CDH13: variants seen among roughly 807,000 people sequenced by gnomAD.
CDH13 encodes cadherin 13.
A neutral mutation model predicts 63.8 loss-of-function variants in CDH13; 24 were observed. The ratio of observed to expected loss-of-function variants is 0.38; its 90% CI spans 0.27 to 0.53. The LOEUF (loss-of-function observed/expected upper bound fraction) is 0.53, where lower values mean the gene tolerates loss of function less well. CDH13 is among the 20% of genes least tolerant of loss of function. The pLI is 0.85. For missense variants in CDH13, 1,049 were observed against 903.1 expected (o/e 1.16, Z -2.07); for synonymous variants, 503 against 355.3 (o/e 1.42, Z -4.67).
At position 83,628,660 on chromosome 16, in the gene CDH13, T is replaced by C. The variant is rs1304066788; in HGVS notation, c.1101+26066T>C. On this transcript the variant is annotated intron_variant, in intron 8 of 13. Coordinates refer to ENST00000567109, the MANE Select transcript of CDH13 (RefSeq NM_001257.5). Reference sequence around the variant, plus strand: ...CATTTGCAGGCTGGAGTGTGTCCTCTCTATCTAGTCGGTATTTCAATAGGA... The same window carrying C: ...CATTTGCAGGCTGGAGTGTGTCCTCCCTATCTAGTCGGTATTTCAATAGGA... Among the ~76,000 whole-genome samples the C allele has an allele frequency of 2.6e-5, 4 of 152,184 alleles. No homozygotes were observed. The South Asian group carries it at 6.2e-4, about 24-fold the overall frequency.
intron 6 of CDH13, among the ~76,000 whole-genome samples, chr16:83,424,276 A>G (rs547042008): frequency 1.3e-5 from 2 of 152,364 alleles, no homozygotes; most frequent in East Asian, 3.9e-4. Flanking sequence ...GAAGAGGAAA[A>G]TCCAACATGG....
chr16:82,913,603 G>C (rs2041900971), intron 2 of CDH13, among the ~76,000 whole-genome samples: 1 of 152,194 alleles, frequency 6.6e-6, no homozygotes, highest in Admixed American at 6.5e-5. Flanking sequence ...CTATACCACA[G>C]AGGCCAGCAG....
At chr16:83,748,464 T>C (rs577276230) in intron 11 of CDH13, among the ~76,000 whole-genome samples, 50 of 152,216 alleles carry the variant, frequency 3.3e-4, no homozygotes, top group African/African-American at 1.2e-3. Flanking sequence ...GAATAATGTC[T>C]GGTGAGAGGT....
At chr16:82,954,057 A>C (rs915097097) in intron 2 of CDH13, 1 of 152,144 alleles carries the variant, frequency 6.6e-6, no homozygotes, top group East Asian at 1.9e-4. Flanking sequence ...GCCAAGAAGC[A>C]CTGTAGGGAA....
chr16:82,805,233 C>G (rs1007298585), intron 1 of CDH13, among the ~76,000 whole-genome samples: 3 of 152,024 alleles, frequency 2.0e-5, no homozygotes, highest in Non-Finnish European at 2.9e-5. Flanking sequence ...GTCTTGCAAC[C>G]TAAAAGGAAG....
chr16:83,761,205 C>A (rs1729739379), intron 11 of CDH13, among the ~76,000 whole-genome samples: 1 of 152,122 alleles, frequency 6.6e-6, no homozygotes. Flanking sequence ...AAATAAAGAG[C>A]CCTTTGGACC....
At chr16:83,171,249 T>A (rs922319369) in intron 4 of CDH13, among the ~76,000 whole-genome samples, 6 of 151,896 alleles carry the variant, frequency 4.0e-5, no homozygotes, top group African/African-American at 1.4e-4. Context: ...GGCAAGAGAA[T>A]GGGGTGGGGA....
intron 1 of CDH13, among the ~76,000 whole-genome samples, chr16:82,782,774 C>T (rs373473151): frequency 6.6e-6 from 1 of 152,160 alleles, no homozygotes; most frequent in African/African-American, 2.4e-5. Flanking sequence ...CTGCCTTACT[C>T]CCGCTGCTGG....
At position 82,934,076 on chromosome 16, in the gene CDH13, G is replaced by A. The variant is rs566664631; in HGVS notation, c.157+75603G>A. 4.7e-4 allele frequency among the ~76,000 whole-genome samples: 72 copies of A among 152,332 alleles called. 1 individual carries two copies. The South Asian group carries it at 0.014, about 30-fold the overall frequency. ...CTCAACTAGGCAGTGCCCCAGTGGG[G>A]ACTATGTGTGGTGGCTCTGATCCCA... On this transcript the variant is annotated intron_variant, in intron 2 of 13. Transcript: ENST00000567109.
At chr16:83,263,923 C>G (rs1279913019) in intron 5 of CDH13, among the ~76,000 whole-genome samples, 2 of 152,192 alleles carry the variant, frequency 1.3e-5, no homozygotes, top group African/African-American at 2.4e-5. Context: ...CTCAGACAGT[C>G]TTTCATGCAG....
chr16:83,220,711 T>C (rs10781996), intron 5 of CDH13, among the ~76,000 whole-genome samples: 146,879 of 149,360 alleles, frequency 0.98, 72,278 homozygotes, highest in Non-Finnish European at 1. Flanking sequence ...GAATGTGTTG[T>C]CATCATAATA....
chr16:83,299,071 T>A (rs2089669068), intron 5 of CDH13, among the ~76,000 whole-genome samples: 1 of 152,182 alleles, frequency 6.6e-6, no homozygotes, highest in Non-Finnish European at 1.5e-5. Flanking sequence ...CTTTCAGACA[T>A]TTTTAGTATG....
At chr16:83,460,010 A>G (rs1050307119) in intron 6 of CDH13, among the ~76,000 whole-genome samples, 1 of 152,244 alleles carries the variant, frequency 6.6e-6, no homozygotes, top group Non-Finnish European at 1.5e-5. Context: ...AGCACATTTA[A>G]TTGATAGGGG....
intron 5 of CDH13, among the ~76,000 whole-genome samples, chr16:83,308,767 G>A (rs1402163986): frequency 1.3e-5 from 2 of 152,212 alleles, no homozygotes; most frequent in Non-Finnish European, 2.9e-5. Flanking sequence ...GGTAAAATGA[G>A]GAAGGAGAAT....
At chr16:83,205,318 G>A (rs893976183) in intron 4 of CDH13, among the ~76,000 whole-genome samples, 11 of 152,184 alleles carry the variant, frequency 7.2e-5, no homozygotes, top group Admixed American at 3.3e-4. Flanking sequence ...AATAAGGGAT[G>A]TAAAATTATG....
At position 83,270,624 on chromosome 16, in the gene CDH13, A is replaced by G. The variant is rs571882191; in HGVS notation, c.636+53127A>G. On this transcript the variant is annotated intron_variant, in intron 5 of 13. Coordinates refer to ENST00000567109, the MANE Select transcript of CDH13 (RefSeq NM_001257.5). ...ATGGATGCGGATCCTGTATGTGTGC[A>G]TGAAGGCCCTCATTGACACAGATTC... Among the ~76,000 whole-genome samples, 10 of 152,296 alleles carry G rather than the reference A, an allele frequency of 6.6e-5. No individual in the cohort carries two copies. In the South Asian group the frequency reaches 1.7e-3, roughly 25 times the overall value.
intron 7 of CDH13, among the ~76,000 whole-genome samples, chr16:83,536,412 G>A (rs2075189879): frequency 6.6e-6 from 1 of 152,100 alleles, no homozygotes; most frequent in African/African-American, 2.4e-5. Flanking sequence ...AAGAGGATGA[G>A]GTGGTGTTAA....
chr16:82,839,153 G>C (rs796480109), intron 1 of CDH13, among the ~76,000 whole-genome samples: 5 of 152,308 alleles, frequency 3.3e-5, no homozygotes, highest in African/African-American at 1.2e-4. Context: ...GAACTCAGAG[G>C]GAGAGAGGAG....
chr16:83,056,383 C>T (rs919734535), intron 3 of CDH13, among the ~76,000 whole-genome samples: 1 of 151,884 alleles, frequency 6.6e-6, no homozygotes, highest in African/African-American at 2.4e-5. Context: ...TAGCTAAAAA[C>T]TGGAAACAAC....
Sources: gnomAD v4.1 joint callset for allele counts (sites outside exome capture counted in the v4.1 genomes callset) on GRCh38, gnomAD v4.1.1 for gene constraint, MANE v1.5 for transcripts, NCBI Gene and HGNC (gene_info 2026-07-23, HGNC 2026-07-21) for gene names.